The following ZMYND8 variants were observed in gnomAD, a reference collection of about 807,000 sequenced individuals.
ZMYND8 encodes the protein zinc finger MYND-type containing 8.
In ZMYND8, 37 loss-of-function variants were observed where a neutral mutation model predicts 140.8. That is an observed-to-expected ratio of 0.26 (90% CI 0.20 to 0.35). The LOEUF (loss-of-function observed/expected upper bound fraction) is 0.35. ZMYND8 is among the 10% of genes least tolerant of loss of function. The pLI is 1.00. For synonymous variants in ZMYND8, 592 were observed against 597.1 expected (o/e 0.99, Z 0.12); for missense variants, 1,068 against 1,570.0 (o/e 0.68, Z 5.40).
rs2038054948 is a variant in ZMYND8 at position 47,228,761 on chromosome 20, T to C, written c.2937+965A>G. Among the ~76,000 whole-genome samples the C allele has an allele frequency of 1.3e-5, 2 of 152,134 alleles. 1 individual carries two copies. The highest frequency in any genetic ancestry group is 2.9e-5 in the Non-Finnish European group (2 of 68,018). Reference sequence around the variant, plus strand: ...CCTAATGCTGCCAAGTCCTAAAAGGTCAATAGCTCTGCAAAGGATTCCCAC... The same window carrying C: ...CCTAATGCTGCCAAGTCCTAAAAGGCCAATAGCTCTGCAAAGGATTCCCAC... On this transcript the variant is annotated intron_variant, in intron 17 of 22. Coordinates refer to ENST00000471951, the MANE Select transcript of ZMYND8 (RefSeq NM_001281775.3).
chr20:47,211,641 C>T (rs2035271945), intron 22 of ZMYND8, among the ~76,000 whole-genome samples: 1 of 152,228 alleles, frequency 6.6e-6, no homozygotes, highest in Non-Finnish European at 1.5e-5. Flanking sequence ...AGATCTGCAG[C>T]TCTGCTAGAT....
Position 47,227,275 on chromosome 20 carries a change from T to G in ZMYND8, c.2944A>C (p.Arg982=). ...TTGSTIAEIR[R]LRIEIEKLQW... is the part of the protein sequence containing the mutation. ...AGCTTCTCTATCTCGATCCTCAGCC[T>G]GCGAATCTGGAAGAGGGAGAGTGAG... Residue 982 remains arginine (R), a synonymous_variant, in exon 18 of 23, where the codon AGG becomes CGG. Transcript: ENST00000471951. 1 of 1,614,144 alleles carries G rather than the reference T, an allele frequency of 6.2e-7. No homozygotes were observed. The highest frequency in any genetic ancestry group is 1.6e-4 in the Middle Eastern group (1 of 6,062).
rs969300704 is a variant in ZMYND8, at chr20:47,298,315, G to A, written c.453+414C>T. On this transcript the variant is annotated intron_variant, in intron 4 of 22. Coordinates refer to ENST00000471951, the MANE Select transcript of ZMYND8 (RefSeq NM_001281775.3). This position sits in a 1 kb window ranked among gnomAD's most constrained non-coding sequence, Gnocchi z 5.0. ...TACAGGGAACATGCAACCAAACGTG[G>A]TCTTCTCAGCTTGGCTACTGCTGAT... 7 of 985,260 alleles carry A rather than the reference G, an allele frequency of 7.1e-6. No individual in the cohort carries two copies. The African/African-American group carries it at 8.7e-5, about 12-fold the overall frequency. 61.0% of individuals were successfully genotyped at this position (985,260 alleles called of 1,614,324 possible).
At chr20:47,285,640 T>C in intron 8 of ZMYND8, 1 of 973,768 alleles carries the variant, frequency 1.0e-6, no homozygotes, top group Non-Finnish European at 1.2e-6. Flanking sequence ...TCATAGTAGT[T>C]TTATTCCTAA....
chr20:47,341,131 G>A (rs6018414), intron 2 of ZMYND8, among the ~76,000 whole-genome samples: 2,869 of 152,292 alleles, frequency 0.019, 87 homozygotes, highest in African/African-American at 0.064. Context: ...GTGGTAATGC[G>A]AAAAGGTCAA....
At chr20:47,336,610 G>A (rs2148496079) in intron 2 of ZMYND8, among the ~76,000 whole-genome samples, 1 of 152,318 alleles carries the variant, frequency 6.6e-6, no homozygotes, top group East Asian at 1.9e-4. Flanking sequence ...ACTCACGCAT[G>A]GTGAGGCCAA....
At chr20:47,333,914 A>T (rs1342828216) in intron 2 of ZMYND8, among the ~76,000 whole-genome samples, 3 of 151,924 alleles carry the variant, frequency 2.0e-5, no homozygotes, top group Non-Finnish European at 4.4e-5. Flanking sequence ...TCTCAAAAAA[A>T]AAAGAAAAAA....
At chr20:47,347,713 A>G (rs2082444730) in intron 2 of ZMYND8, 143 bp downstream of exon 2, 1 of 803,624 alleles carries the variant, frequency 1.2e-6, no homozygotes, top group Non-Finnish European at 2.0e-6. Flanking sequence ...AGGTTCATCC[A>G]TCAAAAAATC....
chr20:47,254,051 C>T (rs1203599596), intron 12 of ZMYND8, among the ~76,000 whole-genome samples: 1 of 152,242 alleles, frequency 6.6e-6, no homozygotes, highest in Non-Finnish European at 1.5e-5. Flanking sequence ...CCCCCTCCTC[C>T]GCAGAGAGAA....
chr20:47,262,339 T>C lies in ZMYND8; in HGVS notation c.1570A>G (p.Thr524Ala). 4 of 1,614,020 alleles carry C rather than the reference T, an allele frequency of 2.5e-6. No homozygotes were observed. The highest frequency in any genetic ancestry group is 3.4e-6 in the Non-Finnish European group (4 of 1,180,032). ...FSPQLSAPIT[T>A]KTDKTSTTGS... ...GTGGTGGAGGTTTTGTCCGTTTTCG[T>C]CGTGATAGGAGCTGACAGTTGAGGA... is the stretch of plus-strand genomic sequence containing the variant. Residue 524 changes from threonine to alanine, a missense_variant, in exon 12 of 23, where the codon ACG becomes GCG. Thr to Ala is a moderately conservative substitution (Grantham distance 58). Around this residue, in one of 10 missense-constraint regions of ZMYND8, gnomAD observed 173 missense variants for 223.3 expected, o/e 0.77. Coordinates refer to ENST00000471951, the MANE Select transcript of ZMYND8 (RefSeq NM_001281775.3).
At chr20:47,354,996 A>G (rs540653425) in intron 1 of ZMYND8, among the ~76,000 whole-genome samples, 11 of 152,128 alleles carry the variant, frequency 7.2e-5, no homozygotes, top group African/African-American at 1.9e-4. Flanking sequence ...TGCACTATAC[A>G]TAAGTCCTAA....
intron 7 of ZMYND8, among the ~76,000 whole-genome samples, chr20:47,288,804 T>C (rs563261255): frequency 6.6e-6 from 1 of 152,330 alleles, no homozygotes; most frequent in East Asian, 1.9e-4. Context: ...ATATCTTTCC[T>C]TAAACACTAG....
intron 5 of ZMYND8, among the ~76,000 whole-genome samples, chr20:47,292,428 A>C (rs549456857): frequency 1.3e-5 from 2 of 152,260 alleles, no homozygotes; most frequent in South Asian, 2.1e-4. Context: ...CAAAAAAAAA[A>C]CAAAAAAATT....
rs570990231 is a variant in ZMYND8 at position 47,355,532 on chromosome 20, A to C, written c.14+1125T>G. The C allele has an allele frequency of 1.0e-5, 10 of 985,216 alleles. No homozygotes were observed. The East Asian group carries it at 1.1e-3, about 112-fold the overall frequency. The allele number at this position is 985,216 out of a possible 1,614,324, so 61.0% of individuals were successfully genotyped here. ...TGGCAGATTTGGGACTTGATCAAAA[A>C]GGAAATTTTTTTAAACAGTTACATG... On this transcript the variant is annotated intron_variant, in intron 1 of 22. Coordinates refer to ENST00000471951, the MANE Select transcript of ZMYND8 (RefSeq NM_001281775.3).
At chr20:47,278,334 A>G (rs1257560299) in intron 10 of ZMYND8, among the ~76,000 whole-genome samples, 1 of 152,194 alleles carries the variant, frequency 6.6e-6, no homozygotes. Flanking sequence ...CCCGGTAGAA[A>G]GCAGTGGGGA....
At chr20:47,263,224 ACTGTC>A (rs1337695348) in intron 11 of ZMYND8, among the ~76,000 whole-genome samples, 1 of 152,170 alleles carries the variant, frequency 6.6e-6, no homozygotes, top group Non-Finnish European at 1.5e-5. Context: ...TGGTACTGGG[ACTGTC>A]CTGTTAATGC....
At position 47,246,256 on chromosome 20, in the gene ZMYND8, T is replaced by C. The variant is rs769594654; in HGVS notation, c.2036A>G (p.Asp679Gly). 2.0e-5 allele frequency: 32 copies of C among 1,614,058 alleles called. No individual in the cohort carries two copies. In the South Asian group the frequency reaches 2.3e-4, roughly 12 times the overall value. Residue 679 changes from aspartate (D) to glycine (G), a missense_variant, in exon 14 of 23, where the codon GAC becomes GGC. Coordinates refer to ENST00000471951, the MANE Select transcript of ZMYND8 (RefSeq NM_001281775.3). ...KSTSPASEKADPGAVKDKASP... is the reference protein window; with the variant it reads ...KSTSPASEKAGPGAVKDKASP... ...GGCCTTGTCCTTGACTGCTCCAGGG[T>C]CTGCCTTCTCGCTGGCTGGTGACGT...
chr20:47,227,090 C>T, intron 18 of ZMYND8, 113 bp downstream of exon 18: 1 of 1,134,944 alleles, frequency 8.8e-7, no homozygotes, highest in Non-Finnish European at 1.3e-6. Context: ...CCCTACGAGT[C>T]ATACAATCCT....
intron 4 of ZMYND8, among the ~76,000 whole-genome samples, chr20:47,297,717 G>A (rs1002648028): frequency 1.3e-5 from 2 of 152,102 alleles, no homozygotes; most frequent in Non-Finnish European, 2.9e-5. Context: ...GAGCCACCAC[G>A]CTCAGCCTCC....
Sources: gnomAD v4.1 joint callset for allele counts (sites outside exome capture counted in the v4.1 genomes callset) on GRCh38, gnomAD v4.1.1 for gene constraint, gnomAD v4.1.1 regional missense constraint, Gnocchi (gnomAD v3.1) non-coding constraint, MANE v1.5 for transcripts, NCBI Gene and HGNC (gene_info 2026-07-23, HGNC 2026-07-21) for gene names.